ZNF649: variants seen among roughly 807,000 people sequenced by gnomAD.
ZNF649 encodes zinc finger protein 649.
ZNF649 carries 7 observed loss-of-function variants against 14.1 expected under a neutral mutation model. The ratio of observed to expected loss-of-function variants is 0.49; its 90% CI spans 0.28 to 0.93. The LOEUF is 0.93. Ranked by LOEUF, ZNF649 falls within the 40% of genes least tolerant of loss-of-function variation. ZNF649 has a pLI of 0.10. For synonymous variants in ZNF649, 227 were observed against 212.3 expected (o/e 1.07, Z -0.60); for missense variants, 544 against 608.1 (o/e 0.89, Z 1.11).
At chr19:51,895,006 T>G (rs531634153) in intron 4 of ZNF649, among the ~76,000 whole-genome samples, 1 of 152,252 alleles carries the variant, frequency 6.6e-6, no homozygotes, top group Non-Finnish European at 1.5e-5. Flanking sequence ...CTCTTCAGCC[T>G]GGCTAATCTG....
Position 51,890,709 on chromosome 19 carries a change from C to T in ZNF649, c.1427G>A (p.Ser476Asn), listed in dbSNP as rs1189433183. The T allele has an allele frequency of 1.9e-6, 3 of 1,614,144 alleles. No individual in the cohort carries two copies. Among genetic ancestry groups the T allele is most frequent in the Non-Finnish European group, 2.5e-6 (3 of 1,180,058 alleles). Residue 476 changes from serine to asparagine, a missense_variant, in exon 5 of 5, where the codon AGT becomes AAT. Physicochemically the swap from Ser to Asn is conservative, Grantham distance 46. Transcript: ENST00000354957. ...AGGGCTTTTCCCCTGCACATGTTCA[C>T]TAGGACTTAAGCTGTGACTTGCTGT... ...PSTASHSLSPSEHVQGKSPVN... is the reference protein window; with the variant it reads ...PSTASHSLSPNEHVQGKSPVN...
In ZNF649 at chr19:51,896,506, T is replaced by G. The variant is rs2085063363; in HGVS notation, c.204A>C (p.Thr68=). ...TKLEQGEPLW[T]LEDEIHSPAH... ...CTGGACTGTGGATTTCATCTTCTAG[T>G]GTCCATAGTGGTTCTCCTTGTTCCA... The change falls in exon 4 of 5, where the codon ACA becomes ACC. Residue 68 remains threonine (T), a synonymous_variant. Coordinates refer to ENST00000354957, the MANE Select transcript of ZNF649 (RefSeq NM_023074.4). 5 of 1,614,048 alleles carry G rather than the reference T, an allele frequency of 3.1e-6. No individual in the cohort carries two copies. The highest frequency in any genetic ancestry group is 2.5e-6 in the Non-Finnish European group (3 of 1,180,024).
Position 51,891,877 on chromosome 19 carries a change from GATC to G in ZNF649, c.256_258del (p.Asp86del). On this transcript the variant is annotated inframe_deletion, in exon 5 of 5. Transcript: ENST00000354957. This position sits in a 1 kb window ranked among gnomAD's most constrained non-coding sequence, Gnocchi z 4.2. ...TGGTTTTGCAAGGGCTGCTGCAGATGATCATCAGCTTTCTCAATTTCTAAGAGA... is the reference window on the plus strand; with the variant it reads ...TGGTTTTGCAAGGGCTGCTGCAGATGATCAGCTTTCTCAATTTCTAAGAGA... The G allele has an allele frequency of 6.4e-7, 1 of 1,565,160 alleles. No individual in the cohort carries two copies.
In ZNF649 at chr19:51,900,244, G is replaced by A; in HGVS notation, c.-137C>T. 4.7e-6 allele frequency: 3 copies of A among 637,890 alleles called. No homozygotes were observed. The allele number at this position is 637,890 out of a possible 1,614,324, so 39.5% of individuals were successfully genotyped here. A position where few individuals can be genotyped will look rare whatever the true frequency, so the allele number is the denominator to read the frequency against. ...CAGAAATGATGACATCCACATCCAG[G>A]AACCTCCTCCTTCCTTCATTTGAAC... On this transcript the variant is annotated 5_prime_UTR_variant, in exon 2 of 5. Transcript: ENST00000354957.
chr19:51,901,453 C>A (rs569606588), intron 1 of ZNF649, among the ~76,000 whole-genome samples: 67 of 152,222 alleles, frequency 4.4e-4, no homozygotes, highest in African/African-American at 1.5e-3. Flanking sequence ...GTCATGAGGG[C>A]TCCTCCCTTG....
At chr19:51,901,385 T>C (rs964312021) in intron 1 of ZNF649, among the ~76,000 whole-genome samples, 3 of 152,224 alleles carry the variant, frequency 2.0e-5, no homozygotes, top group Admixed American at 6.5e-5. Context: ...AAAATTCATG[T>C]TGAAACTTAA....
intron 2 of ZNF649, among the ~76,000 whole-genome samples, chr19:51,897,836 A>G (rs980718979): frequency 2.6e-5 from 4 of 152,108 alleles, no homozygotes; most frequent in Admixed American, 1.3e-4. Flanking sequence ...AAATCTATCC[A>G]TGAGGCCGGG....
chr19:51,893,109 C>T (rs2085035531), intron 4 of ZNF649, among the ~76,000 whole-genome samples: 1 of 152,188 alleles, frequency 6.6e-6, no homozygotes, highest in Non-Finnish European at 1.5e-5. Flanking sequence ...CAATATCCTT[C>T]TCCTGATAAA....
At position 51,890,675 on chromosome 19, in the gene ZNF649, C is replaced by T; in HGVS notation, c.1461G>A (p.Met487Ile). The change falls in exon 5 of 5, where the codon ATG (methionine) becomes ATA (isoleucine). Residue 487 changes from methionine (M) to isoleucine (I), a missense_variant. Coordinates refer to ENST00000354957, the MANE Select transcript of ZNF649 (RefSeq NM_023074.4). ...EHVQGKSPVN[M>I]VTVAMVAGQC... ...GCCCTGCCACCATTGCCACAGTTAC[C>T]ATATTAACAGGGCTTTTCCCCTGCA... The T allele has an allele frequency of 3.7e-6, 6 of 1,614,180 alleles. No homozygotes were observed. In the South Asian group the frequency reaches 6.6e-5, roughly 18 times the overall value.
chr19:51,896,905 T>C lies in ZNF649; in HGVS notation c.89A>G (p.Lys30Arg). ...EEWQFLSPAQKDLYRDVMLEN... is the reference protein window; with the variant it reads ...EEWQFLSPAQRDLYRDVMLEN... ...CAACATCACATCCCGGTACAGGTCC[T>C]TCTGAGCAGGGCTCAGGAACTGCCA... Residue 30 changes from lysine (K) to arginine (R), a missense_variant, in exon 3 of 5, where the codon AAG (lysine) becomes AGG (arginine). Transcript: ENST00000354957. The C allele has an allele frequency of 1.9e-6, 3 of 1,614,202 alleles. No homozygotes were observed. The highest frequency in any genetic ancestry group is 2.5e-6 in the Non-Finnish European group (3 of 1,180,032).
At chr19:51,896,807 C>T in intron 3 of ZNF649, 45 bp downstream of exon 3, 2 of 1,614,096 alleles carry the variant, frequency 1.2e-6, no homozygotes, top group South Asian at 1.1e-5. Flanking sequence ...AAGCAAAGGC[C>T]ACTGACTGGG....
rs547097194 is a variant in ZNF649, at chr19:51,893,892, A to G, written c.239-1995T>C. Among the ~76,000 whole-genome samples, 315 of 152,284 alleles carry G rather than the reference A, an allele frequency of 2.1e-3. 1 individual carries two copies. The highest frequency in any genetic ancestry group is 3.6e-3 in the Non-Finnish European group (244 of 68,032). On this transcript the variant is annotated intron_variant, in intron 4 of 4. Coordinates refer to ENST00000354957, the MANE Select transcript of ZNF649 (RefSeq NM_023074.4). ...TAGTTTTTCTTAGAACATCAGCTAT[A>G]CAGTATGATTGCTATAGTACTGCCA...
chr19:51,890,719 A>T lies in ZNF649; in HGVS notation c.1417T>A (p.Leu473Ile). 6.2e-7 allele frequency: 1 copy of T among 1,614,210 alleles called. No individual in the cohort carries two copies. The highest frequency in any genetic ancestry group is 1.1e-5 in the South Asian group (1 of 91,088). Residue 473 changes from leucine (L) to isoleucine (I), a missense_variant, in exon 5 of 5, where the codon TTA becomes ATA. Physicochemically the swap from Leu to Ile is conservative, Grantham distance 5. Transcript: ENST00000354957. ...CCCTGCACATGTTCACTAGGACTTA[A>T]GCTGTGACTTGCTGTGGAAGGATTT... ...VENPSTASHS[L>I]SPSEHVQGKS...
chr19:51,900,037 G>C (rs528853844), intron 2 of ZNF649, 56 bp downstream of exon 2: 4 of 1,438,472 alleles, frequency 2.8e-6, no homozygotes, highest in Middle Eastern at 1.9e-4. Flanking sequence ...GATTTCTTCA[G>C]ACTTCCACAA....
At chr19:51,903,585 G>A (rs1205528756) in intron 1 of ZNF649, among the ~76,000 whole-genome samples, 1 of 152,200 alleles carries the variant, frequency 6.6e-6, no homozygotes, top group African/African-American at 2.4e-5. Flanking sequence ...TTGGAAGGCC[G>A]AGGCGGGCAG....
intron 1 of ZNF649, among the ~76,000 whole-genome samples, 199 bp downstream of exon 1, chr19:51,904,715 G>T (rs963868667): frequency 6.6e-6 from 1 of 152,062 alleles, no homozygotes; most frequent in Non-Finnish European, 1.5e-5. Context: ...GACCCTCAGA[G>T]ACCCCAAACT....
intron 1 of ZNF649, among the ~76,000 whole-genome samples, chr19:51,903,680 G>T (rs1050756400): frequency 2.6e-5 from 4 of 152,112 alleles, no homozygotes; most frequent in African/African-American, 9.7e-5. Context: ...TTAGCCGGGC[G>T]TGGTGGCGGG....
intron 1 of ZNF649, among the ~76,000 whole-genome samples, chr19:51,902,656 GAACT>G (rs1279720192): frequency 6.6e-6 from 1 of 152,166 alleles, no homozygotes; most frequent in African/African-American, 2.4e-5. Flanking sequence ...TTTCTAAACA[GAACT>G]AACATCAGAA....
chr19:51,898,871 C>CCA (rs1396620478), intron 2 of ZNF649, among the ~76,000 whole-genome samples: 1 of 152,140 alleles, frequency 6.6e-6, no homozygotes, highest in Non-Finnish European at 1.5e-5. Flanking sequence ...CGAGGTTGCA[C>CCA]CACTGCACTC....
Sources: allele counts gnomAD v4.1 joint callset (sites outside exome capture counted in the v4.1 genomes callset), GRCh38; gene constraint gnomAD v4.1.1; non-coding constraint Gnocchi (gnomAD v3.1); transcripts MANE v1.5; gene names NCBI Gene and HGNC (gene_info 2026-07-23, HGNC 2026-07-21).